The following EPB41L4B variants were observed in gnomAD, a reference collection of about 807,000 sequenced individuals.
EPB41L4B encodes the protein erythrocyte membrane protein band 4.1 like 4B, also known as band 4.1-like protein 4B.
A neutral mutation model predicts 112.5 loss-of-function variants in EPB41L4B; 30 were observed. The ratio of observed to expected loss-of-function variants is 0.27; its 90% confidence interval spans 0.20 to 0.36. The LOEUF (loss-of-function observed/expected upper bound fraction) is 0.36, where lower values mean the gene tolerates loss of function less well. Ranked by LOEUF, EPB41L4B falls within the 10% of genes least tolerant of loss-of-function variation. The pLI is 1.00. For missense variants in EPB41L4B, 1,024 were observed against 1,133.3 expected (o/e 0.90, Z 1.38); for synonymous variants, 408 against 439.7 (o/e 0.93, Z 0.90).
In EPB41L4B at chr9:109,247,896, T is replaced by C. The variant is rs41278391; in HGVS notation, c.1311-107A>G. 3,470 of 803,942 alleles carry C rather than the reference T, an allele frequency of 4.3e-3. 10 individuals carry two copies. The highest frequency in any genetic ancestry group is 5.6e-3 in the Admixed American group (151 of 26,828). The allele number at this position is 803,942 out of a possible 1,614,324, so 49.8% of individuals were successfully genotyped here. ...TCATGAACTATTCCTATGTGCTACATACTCTAATAGGAACTTCCACATAAT... is the reference window on the plus strand; with the variant it reads ...TCATGAACTATTCCTATGTGCTACACACTCTAATAGGAACTTCCACATAAT... On this transcript the variant is annotated intron_variant, in intron 13 of 25. Transcript: ENST00000374566.
In EPB41L4B at chr9:109,275,117, C is replaced by A. The variant is rs137930285; in HGVS notation, c.411+4700G>T. 1.7e-3 allele frequency among the ~76,000 whole-genome samples: 255 copies of A among 152,348 alleles called. 3 individuals carry two copies. Among genetic ancestry groups the A allele is most frequent in the African/African-American group, 5.7e-3 (238 of 41,570 alleles). On this transcript the variant is annotated intron_variant, in intron 2 of 25. Transcript: ENST00000374566. ...GGGAAACAGGAGGTCCTAGTCCCAA[C>A]TGCTAAAAATAGGTGATATCAATAC...
intron 1 of EPB41L4B, among the ~76,000 whole-genome samples, chr9:109,315,175 C>T (rs1024460688): frequency 9.9e-5 from 15 of 152,170 alleles, no homozygotes; most frequent in Non-Finnish European, 1.8e-4. Flanking sequence ...ACCATTGCTA[C>T]AGCAATGGTA....
Position 109,247,289 on chromosome 9 carries a change from C to A in EPB41L4B, c.1344+467G>T, listed in dbSNP as rs1027138921. ...GTCTTTCTTGCAGGATTTCTCAGTA[C>A]TTTTATACCTCAGTGGACACTGTAA... On this transcript the variant is annotated intron_variant, in intron 14 of 25. Transcript: ENST00000374566. Among the ~76,000 whole-genome samples the A allele has an allele frequency of 9.2e-5, 14 of 151,528 alleles. No individual in the cohort carries two copies. In the South Asian group the frequency reaches 2.9e-3, roughly 32 times the overall value.
intron 1 of EPB41L4B, among the ~76,000 whole-genome samples, chr9:109,298,708 T>C (rs1836834699): frequency 6.6e-6 from 1 of 152,162 alleles, no homozygotes; most frequent in Non-Finnish European, 1.5e-5. Context: ...AAATAGGAAA[T>C]TATTTACAGA....
chr9:109,198,199 G>A (rs1486132832), intron 20 of EPB41L4B, among the ~76,000 whole-genome samples: 1 of 152,166 alleles, frequency 6.6e-6, no homozygotes, highest in East Asian at 1.9e-4. Context: ...TGGCAGACCT[G>A]AGATGGCTGT....
chr9:109,192,741 T>C (rs920528546), intron 21 of EPB41L4B, among the ~76,000 whole-genome samples: 7 of 152,212 alleles, frequency 4.6e-5, no homozygotes, highest in African/African-American at 1.7e-4. Context: ...TAAACTGATC[T>C]GCACACTAAG....
chr9:109,304,139 G>T (rs1837082903), intron 1 of EPB41L4B, among the ~76,000 whole-genome samples: 1 of 152,174 alleles, frequency 6.6e-6, no homozygotes, highest in Non-Finnish European at 1.5e-5. Flanking sequence ...ACCTTGTAAA[G>T]ATTTTGTGAG....
chr9:109,274,666 C>T lies in EPB41L4B; in HGVS notation c.411+5151G>A, dbSNP rs528178464. Among the ~76,000 whole-genome samples the T allele has an allele frequency of 3.3e-5, 5 of 152,224 alleles. No homozygotes were observed. The East Asian group carries it at 5.8e-4, about 18-fold the overall frequency. The stretch of plus-strand genomic sequence containing the variant: ...TTTCTTCCTTCTATATATGTATGTA[C>T]GCATGAACCAAGTGCATATTCAAGC... On this transcript the variant is annotated intron_variant, in intron 2 of 25. Coordinates refer to ENST00000374566, the MANE Select transcript of EPB41L4B (RefSeq NM_019114.5).
intron 15 of EPB41L4B, among the ~76,000 whole-genome samples, chr9:109,225,033 C>G (rs1833711078): frequency 6.6e-6 from 1 of 152,226 alleles, no homozygotes; most frequent in Non-Finnish European, 1.5e-5. Context: ...TCAGGAAAAT[C>G]CAAGTCCTCC....
intron 1 of EPB41L4B, among the ~76,000 whole-genome samples, chr9:109,301,686 T>C (rs928958232): frequency 2.6e-5 from 4 of 152,254 alleles, no homozygotes; most frequent in African/African-American, 9.6e-5. Flanking sequence ...TATGCAGTTT[T>C]GGCTAATCTC....
chr9:109,293,849 T>C (rs994152807), intron 1 of EPB41L4B, among the ~76,000 whole-genome samples: 5 of 151,848 alleles, frequency 3.3e-5, no homozygotes, highest in African/African-American at 1.2e-4. Flanking sequence ...TAAACCACAT[T>C]GAAAAGAGGA....
At chr9:109,255,728 C>A in intron 10 of EPB41L4B, 46 bp downstream of exon 10, 1 of 1,611,756 alleles carries the variant, frequency 6.2e-7, no homozygotes, top group Non-Finnish European at 8.5e-7. Context: ...GCAACCCCAA[C>A]ACAGGATTTT....
chr9:109,281,474 G>A (rs1836037131), intron 1 of EPB41L4B, among the ~76,000 whole-genome samples: 1 of 152,082 alleles, frequency 6.6e-6, no homozygotes, highest in African/African-American at 2.4e-5. Context: ...AGTCTGAGGC[G>A]GGCAGATCAC....
chr9:109,243,672 T>A lies in EPB41L4B; in HGVS notation c.1355A>T (p.His452Leu), dbSNP rs774580356. ...GGGCTGGCTGGGATGGATATTAGGA[T>A]GATATTGAGGCTAGAAATAAAACAC... ...PEVHNYQPQY[H>L]PNIHPSQPRW... The change falls in exon 15 of 26, where the codon CAT becomes CTT. Residue 452 changes from histidine (H) to leucine (L), a missense_variant. Coordinates refer to ENST00000374566, the MANE Select transcript of EPB41L4B (RefSeq NM_019114.5). 1.9e-6 allele frequency: 3 copies of A among 1,614,144 alleles called. No homozygotes were observed. The highest frequency in any genetic ancestry group is 2.2e-5 in the East Asian group (1 of 44,888).
chr9:109,227,092 C>T (rs1588150950), intron 15 of EPB41L4B, among the ~76,000 whole-genome samples: 3 of 152,132 alleles, frequency 2.0e-5, no homozygotes, highest in Admixed American at 2.0e-4. Context: ...TCCCACTTCT[C>T]ATCCTAAAGC....
At position 109,185,475 on chromosome 9, in the gene EPB41L4B, G is replaced by T. The variant is rs912819414; in HGVS notation, c.2418+14C>A. ...CTCTCCTGGCCAGGCCCCTCTCCCT[G>T]CCAGGGTACCTACCAGCCTCGTTTT... On this transcript the variant is annotated intron_variant, in intron 23 of 25. Transcript: ENST00000374566. The T allele has an allele frequency of 1.2e-6, 2 of 1,610,824 alleles. No homozygotes were observed. Among genetic ancestry groups the T allele is most frequent in the African/African-American group, 2.7e-5 (2 of 74,856 alleles).
rs1224455274 is a variant in EPB41L4B, at chr9:109,192,375, C to A, written c.2224-20G>T. The A allele has an allele frequency of 1.3e-6, 2 of 1,580,028 alleles. No individual in the cohort carries two copies. Among genetic ancestry groups the A allele is most frequent in the East Asian group, 4.5e-5 (2 of 44,568 alleles). On this transcript the variant is annotated intron_variant, in intron 21 of 25. Coordinates refer to ENST00000374566, the MANE Select transcript of EPB41L4B (RefSeq NM_019114.5). ...GGGGCTCTAGGGAGACAGACAAACA[C>A]CCCTGGTTAGAGACGGCACTGCATT...
intron 15 of EPB41L4B, 77 bp downstream of exon 15, chr9:109,243,541 C>T (rs1243814646): frequency 5.7e-6 from 8 of 1,397,584 alleles, no homozygotes; most frequent in Non-Finnish European, 8.1e-6. Flanking sequence ...CTTTCTACTC[C>T]TAACTAAGCA....
At chr9:109,318,044 G>T (rs1837697957) in intron 1 of EPB41L4B, among the ~76,000 whole-genome samples, 2 of 152,158 alleles carry the variant, frequency 1.3e-5, no homozygotes, top group Admixed American at 1.3e-4. Flanking sequence ...TCTTTAAATC[G>T]ATGAGCTGTG....
Sources: gnomAD v4.1 joint callset for allele counts (sites outside exome capture counted in the v4.1 genomes callset) on GRCh38, gnomAD v4.1.1 for gene constraint, MANE v1.5 for transcripts, NCBI Gene and HGNC (gene_info 2026-07-23, HGNC 2026-07-21) for gene names.